The following F10 variants were observed in gnomAD, a reference collection of about 807,000 sequenced individuals.
The protein encoded by F10 is Stuart-Prower factor.
Under a neutral mutation model 37.1 loss-of-function variants are expected in F10, and 29 were observed. That is an observed-to-expected ratio of 0.78 (90% CI 0.58 to 1.07). F10 has a LOEUF of 1.07. Among genes scored for constraint, F10 ranks in the 50% least tolerant of loss-of-function variants. The pLI, the probability that F10 is intolerant of heterozygous loss-of-function variation, is 0.00. For synonymous variants in F10, 262 were observed against 268.6 expected, an observed-to-expected ratio of 0.98 and a Z score of 0.24; for missense variants, 539 against 667.9, an observed-to-expected ratio of 0.81 and a Z score of 2.13.
intron 1 of F10, 22 bp from the exon 2 acceptor site, chr13:113,129,430 C>A (rs199754366): frequency 1.3e-6 from 2 of 1,593,094 alleles, no homozygotes; most frequent in African/African-American, 2.7e-5. Flanking sequence ...GAGCTTTTAA[C>A]CCTGTCCTCC....
intron 2 of F10, among the ~76,000 whole-genome samples, chr13:113,137,141 G>A (rs1333554064): frequency 6.6e-6 from 1 of 152,174 alleles, no homozygotes; most frequent in Non-Finnish European, 1.5e-5. Context: ...CTTTTGCTGG[G>A]TGTACCCATA....
At chr13:113,129,954 A>G in intron 2 of F10, 1 of 353,070 alleles carries the variant, frequency 2.8e-6, no homozygotes, top group South Asian at 2.2e-5. Context: ...CGCCTCGCCG[A>G]GTTGCAGTGA....
intron 5 of F10, among the ~76,000 whole-genome samples, chr13:113,142,423 G>A (rs4907592): frequency 0.079 from 11,626 of 147,922 alleles, 1,141 homozygotes; most frequent in Admixed American, 0.18. Flanking sequence ...GGTGGTGCAC[G>A]CCTGTAGTCC....
chr13:113,140,620 A>G, intron 4 of F10: 1 of 609,334 alleles, frequency 1.6e-6, no homozygotes, highest in Non-Finnish European at 3.2e-6. Context: ...ACACAGAGGG[A>G]TGTGGAGTGA....
chr13:113,145,577 G>A (rs566228937), intron 6 of F10, among the ~76,000 whole-genome samples: 38 of 152,264 alleles, frequency 2.5e-4, no homozygotes, highest in African/African-American at 9.1e-4. Flanking sequence ...AGGTGTATTA[G>A]TCAGTTTTCA....
At chr13:113,140,673 C>A (rs150725847) in intron 4 of F10, 24 of 680,650 alleles carry the variant, frequency 3.5e-5, no homozygotes, top group African/African-American at 3.3e-4. Flanking sequence ...CCGGCCATCC[C>A]GGAGGTGTGA....
chr13:113,123,263 A>G (rs2036337407), intron 1 of F10, among the ~76,000 whole-genome samples: 1 of 152,118 alleles, frequency 6.6e-6, no homozygotes. Flanking sequence ...ACGGAGACAG[A>G]GAGAGAGGGA....
chr13:113,132,745 AC>A (rs1244042549), intron 2 of F10, among the ~76,000 whole-genome samples: 1 of 152,260 alleles, frequency 6.6e-6, no homozygotes, highest in Non-Finnish European at 1.5e-5. Flanking sequence ...TCCAGACATC[AC>A]TTGACCTGAA....
chr13:113,142,050 C>T (rs1425727507), intron 5 of F10, among the ~76,000 whole-genome samples: 6 of 152,202 alleles, frequency 3.9e-5, no homozygotes, highest in East Asian at 1.9e-4. Flanking sequence ...ACGAAAAGAC[C>T]GGGTTCCATA....
chr13:113,136,343 G>A (rs995358908), intron 2 of F10, among the ~76,000 whole-genome samples: 1 of 151,902 alleles, frequency 6.6e-6, no homozygotes, highest in Non-Finnish European at 1.5e-5. Flanking sequence ...GTTATATAAG[G>A]TTACCACAGG....
In F10 at chr13:113,138,477, C is replaced by A; in HGVS notation, c.252C>A (p.Tyr84Ter). 7.1e-7 allele frequency: 1 copy of A among 1,398,744 alleles called. No individual in the cohort carries two copies. Among genetic ancestry groups the A allele is most frequent in the Non-Finnish European group, 1.0e-6 (1 of 989,344 alleles). 86.6% of individuals were successfully genotyped at this position (1,398,744 alleles called of 1,614,324 possible). ...SDKTNEFWNK[Y>*]KDGDQCETSP... ...TTTAGAATGAATTCTGGAATAAATA[C>A]AAAGGTCAGTATTTTTTCTGTTTTA... Residue 84 changes from tyrosine to a stop codon, truncating the protein, a stop_gained, in exon 3 of 8, where the codon TAC becomes TAA. Coordinates refer to ENST00000375559, the MANE Select transcript of F10 (RefSeq NM_000504.4). LOFTEE classifies it high-confidence loss of function.
rs561697977 is a variant in F10, at chr13:113,141,052, TAGG to T, written c.502+6_502+8del. The T allele has an allele frequency of 6.2e-6, 10 of 1,613,234 alleles. No individual in the cohort carries two copies. In the South Asian group the frequency reaches 9.9e-5, roughly 16 times the overall value. On this transcript the variant is annotated splice_donor_5th_base_variant and intron_variant, in intron 5 of 7. Transcript: ENST00000375559. The surrounding 1 kb of genome is among the most constrained non-coding windows in gnomAD (Gnocchi z 5.4). ...ACGGCAAGGCCTGCATTCCCACAGGTAGGAGGCACGTTGGGCCACAGCCACCCG... is the reference window on the plus strand; with the variant it reads ...ACGGCAAGGCCTGCATTCCCACAGGTAGGCACGTTGGGCCACAGCCACCCG...
chr13:113,132,000 A>G (rs1197385440), intron 2 of F10: 1 of 152,282 alleles, frequency 6.6e-6, no homozygotes, highest in East Asian at 1.9e-4. Flanking sequence ...TTGAAGAAAG[A>G]GAATGTAGCA....
intron 5 of F10, among the ~76,000 whole-genome samples, chr13:113,142,296 T>C (rs61966442): frequency 0.021 from 3,127 of 151,722 alleles, 47 homozygotes; most frequent in Admixed American, 0.031. Context: ...AATCCCAGCA[T>C]TTTGGGAGGC....
rs1480772508 is a variant in F10, at chr13:113,144,945, C to A, written c.747+850C>A. 6.6e-6 allele frequency among the ~76,000 whole-genome samples: 1 copy of A among 151,732 alleles called. No homozygotes were observed. The highest frequency in any genetic ancestry group is 1.5e-5 in the Non-Finnish European group (1 of 67,980). On this transcript the variant is annotated intron_variant, in intron 6 of 7. Transcript: ENST00000375559. This position sits in a 1 kb window ranked among gnomAD's most constrained non-coding sequence, Gnocchi z 6.4. ...CCAGGCTGGAGTGCAGTGGCGCGATCTCGGCTCACTGCAACCTCCACCTCC... is the reference window on the plus strand; with the variant it reads ...CCAGGCTGGAGTGCAGTGGCGCGATATCGGCTCACTGCAACCTCCACCTCC...
At chr13:113,125,705 G>T (rs186953196) in intron 1 of F10, among the ~76,000 whole-genome samples, 112 of 152,358 alleles carry the variant, frequency 7.4e-4, no homozygotes, top group African/African-American at 2.5e-3. Flanking sequence ...TAGCAGAAGC[G>T]CCCAGATTCA....
Position 113,144,974 on chromosome 13 carries a change from G to C in F10, c.747+879G>C, listed in dbSNP as rs2036567697. ...GCTCACTGCAACCTCCACCTCCCAG[G>C]TTCATGTCATTCTCCTGCTTCAGCC... is the stretch of plus-strand genomic sequence containing the variant. On this transcript the variant is annotated intron_variant, in intron 6 of 7. Coordinates refer to ENST00000375559, the MANE Select transcript of F10 (RefSeq NM_000504.4). This position sits in a 1 kb window ranked among gnomAD's most constrained non-coding sequence, Gnocchi z 6.4. Among the ~76,000 whole-genome samples the C allele has an allele frequency of 6.6e-6, 1 of 152,152 alleles. No individual in the cohort carries two copies. Among genetic ancestry groups the C allele is most frequent in the Admixed American group, 6.5e-5 (1 of 15,274 alleles).
intron 1 of F10, among the ~76,000 whole-genome samples, chr13:113,123,973 G>A (rs1478673975): frequency 6.6e-6 from 1 of 152,224 alleles, no homozygotes; most frequent in Non-Finnish European, 1.5e-5. Context: ...GGAGCCCACT[G>A]TGATGCTTGT....
At chr13:113,137,894 G>T (rs3211763) in intron 2 of F10, among the ~76,000 whole-genome samples, 4 of 152,140 alleles carry the variant, frequency 2.6e-5, no homozygotes, top group Non-Finnish European at 5.9e-5. Flanking sequence ...GCAAAGACCC[G>T]ATTTCCAATT....
Sources: gnomAD v4.1 joint callset for allele counts (sites outside exome capture counted in the v4.1 genomes callset) on GRCh38, gnomAD v4.1.1 for gene constraint, Gnocchi (gnomAD v3.1) non-coding constraint, MANE v1.5 for transcripts, NCBI Gene and HGNC (gene_info 2026-07-23, HGNC 2026-07-21) for gene names.